Variants in EDEM3 observed in about 807,000 individuals in gnomAD.
The protein encoded by EDEM3 is ER degradation-enhancing alpha-mannosidase-like protein 3.
EDEM3 carries 60 observed loss-of-function variants against 110.2 expected under a neutral mutation model. The ratio of observed to expected loss-of-function variants is 0.54; its 90% CI spans 0.44 to 0.67. The LOEUF (loss-of-function observed/expected upper bound fraction) is 0.67, where lower values mean the gene tolerates loss of function less well. Among genes scored for constraint, EDEM3 ranks in the 30% least tolerant of loss-of-function variants. The pLI is 0.00. For synonymous variants in EDEM3, 352 were observed against 382.9 expected, an observed-to-expected ratio of 0.92 and a Z score of 0.94; for missense variants, 996 against 1,121.0, an observed-to-expected ratio of 0.89 and a Z score of 1.59.
At position 184,719,205 on chromosome 1, in the gene EDEM3, T is replaced by C. The variant is rs1339209096; in HGVS notation, c.1118A>G (p.Glu373Gly). Residue 373 changes from glutamate to glycine, a missense_variant, in exon 11 of 20, where the codon GAA becomes GGA. Glu to Gly is a moderately conservative substitution (Grantham distance 98). This residue lies in a region of EDEM3 where 310 missense variants were observed against 394.6 expected (regional missense o/e 0.79). Coordinates refer to ENST00000318130, the MANE Select transcript of EDEM3 (RefSeq NM_025191.4). ...GDIRPAIETH[E>G]MLYQVIKKHN... The stretch of plus-strand genomic sequence containing the variant: ...TTTTTTAATCACCTGATATAACATT[T>C]CATGAGTTTCAATAGCAGGTCTAAT... The C allele has an allele frequency of 1.3e-6, 2 of 1,574,954 alleles. No homozygotes were observed. Among genetic ancestry groups the C allele is most frequent in the Non-Finnish European group, 8.6e-7 (1 of 1,164,910 alleles).
At chr1:184,720,847 G>A (rs1409333207) in intron 9 of EDEM3, 1 of 159,846 alleles carries the variant, frequency 6.3e-6, no homozygotes, top group Non-Finnish European at 1.4e-5. Context: ...CCAGTCTTAA[G>A]ACTTGCTTTT....
Position 184,692,720 on chromosome 1 carries a change from C to G in EDEM3, c.*1343G>C, listed in dbSNP as rs1207413232. 7.3e-6 allele frequency: 1 copy of G among 136,064 alleles called. No homozygotes were observed. Among genetic ancestry groups the G allele is most frequent in the Non-Finnish European group, 1.6e-5 (1 of 63,768 alleles). 8.4% of individuals were successfully genotyped at this position (136,064 alleles called of 1,614,324 possible). A position where few individuals can be genotyped will look rare whatever the true frequency, so the allele number is the denominator to read the frequency against. On this transcript the variant is annotated 3_prime_UTR_variant, in exon 20 of 20. Transcript: ENST00000318130. Reference sequence around the variant, plus strand: ...CAACAGGGCTGTCTACAAACATCAACAACAAAATTTAAAAATTTTTAAGAC... The same window carrying G: ...CAACAGGGCTGTCTACAAACATCAAGAACAAAATTTAAAAATTTTTAAGAC...
chr1:184,695,341 T>C (rs1181523531), intron 19 of EDEM3, among the ~76,000 whole-genome samples: 1 of 152,008 alleles, frequency 6.6e-6, no homozygotes. Context: ...ATGGGTCTTA[T>C]AGTCCAACGG....
At chr1:184,734,121 C>T (rs888438135) in intron 5 of EDEM3, among the ~76,000 whole-genome samples, 1 of 152,194 alleles carries the variant, frequency 6.6e-6, no homozygotes, top group Admixed American at 6.5e-5. Context: ...ACACAGGAAA[C>T]TTCTTGCATG....
At chr1:184,722,645 TAG>T (rs896373285) in intron 8 of EDEM3, among the ~76,000 whole-genome samples, 1 of 151,988 alleles carries the variant, frequency 6.6e-6, no homozygotes, top group African/African-American at 2.4e-5. Flanking sequence ...TTCTGTCATT[TAG>T]ATGACACAGA....
chr1:184,718,855 T>C (rs944865828), intron 11 of EDEM3, among the ~76,000 whole-genome samples: 1 of 152,082 alleles, frequency 6.6e-6, no homozygotes, highest in Non-Finnish European at 1.5e-5. Context: ...AATGAGAGAA[T>C]ATTACAATGG....
At chr1:184,731,879 A>G (rs766232403) in intron 6 of EDEM3, among the ~76,000 whole-genome samples, 1 of 152,190 alleles carries the variant, frequency 6.6e-6, no homozygotes, top group Non-Finnish European at 1.5e-5. Context: ...ACTATGTTAA[A>G]TGAAATAAGC....
intron 6 of EDEM3, among the ~76,000 whole-genome samples, chr1:184,727,994 G>C (rs927850304): frequency 1.3e-5 from 2 of 152,022 alleles, no homozygotes; most frequent in Non-Finnish European, 2.9e-5. Context: ...ATTACACTAA[G>C]GTAAAGTATA....
In EDEM3 at chr1:184,710,575, T is replaced by A. The variant is rs867664324; in HGVS notation, c.1692-28A>T. On this transcript the variant is annotated intron_variant, in intron 15 of 19. Transcript: ENST00000318130. ...GCTAAAAGTAATTACAGGCAAGGCT[T>A]AAAAAACTATAAATTAGAATTGGCA... 1.3e-6 allele frequency: 2 copies of A among 1,555,904 alleles called. No individual in the cohort carries two copies. Among genetic ancestry groups the A allele is most frequent in the Middle Eastern group, 1.7e-4 (1 of 5,796 alleles).
intron 6 of EDEM3, among the ~76,000 whole-genome samples, chr1:184,728,827 C>T (rs893347094): frequency 1.4e-4 from 21 of 152,164 alleles, no homozygotes; most frequent in Admixed American, 1.2e-3. Context: ...TGAAGATGGT[C>T]TCGATCTCTT....
At chr1:184,728,073 CA>C (rs1357518449) in intron 6 of EDEM3, among the ~76,000 whole-genome samples, 2 of 152,154 alleles carry the variant, frequency 1.3e-5, no homozygotes, top group African/African-American at 4.8e-5. Flanking sequence ...TTAATTACTA[CA>C]ATCAACTAAT....
intron 8 of EDEM3, 68 bp downstream of exon 8, chr1:184,723,683 G>T: frequency 2.5e-6 from 3 of 1,180,734 alleles, no homozygotes; most frequent in Admixed American, 2.1e-5. Flanking sequence ...TTTAACAAAT[G>T]AAAATTCTTT....
intron 9 of EDEM3, 46 bp from the exon 10 acceptor site, chr1:184,719,614 G>C: frequency 1.2e-6 from 2 of 1,604,476 alleles, no homozygotes; most frequent in Non-Finnish European, 1.7e-6. Flanking sequence ...TGAAAAAAGA[G>C]GTACTACTCT....
At chr1:184,714,543 A>C (rs1650437396) in intron 13 of EDEM3, among the ~76,000 whole-genome samples, 2 of 152,166 alleles carry the variant, frequency 1.3e-5, no homozygotes, top group Non-Finnish European at 2.9e-5. Flanking sequence ...TTAGATCTAT[A>C]GGGTAATAAA....
In EDEM3 at chr1:184,693,891, T is replaced by A. The variant is rs1487913810; in HGVS notation, c.*172A>T. ...TGGGACAGTTTTAAACAAGGTCAAT[T>A]CTAACACAGCATGCTCCAGATTCCT... is the stretch of plus-strand genomic sequence containing the variant. On this transcript the variant is annotated 3_prime_UTR_variant, in exon 20 of 20. Transcript: ENST00000318130. 1.5e-6 allele frequency: 1 copy of A among 679,254 alleles called. No individual in the cohort carries two copies. Among genetic ancestry groups the A allele is most frequent in the Admixed American group, 3.0e-5 (1 of 33,500 alleles). The allele number at this position is 679,254 out of a possible 1,614,324, so 42.1% of individuals were successfully genotyped here.
chr1:184,718,111 A>T (rs1055205889), intron 11 of EDEM3, among the ~76,000 whole-genome samples: 72 of 152,188 alleles, frequency 4.7e-4, no homozygotes, highest in African/African-American at 1.7e-3. Context: ...GCATTATCTC[A>T]CATAGTTCTC....
At position 184,732,783 on chromosome 1, in the gene EDEM3, T is replaced by C. The variant is rs1651597810; in HGVS notation, c.612+54A>G. 14 of 1,541,594 alleles carry C rather than the reference T, an allele frequency of 9.1e-6. No individual in the cohort carries two copies. The East Asian group carries it at 1.4e-4, about 15-fold the overall frequency. ...ATGGCTCTGATCACAAAACTTCATT[T>C]TGTAAAACAGCAAAGAAAGTATATA... On this transcript the variant is annotated intron_variant, in intron 6 of 19. Coordinates refer to ENST00000318130, the MANE Select transcript of EDEM3 (RefSeq NM_025191.4).
chr1:184,713,773 G>A (rs752381649), intron 13 of EDEM3, among the ~76,000 whole-genome samples: 3 of 152,296 alleles, frequency 2.0e-5, no homozygotes, highest in South Asian at 2.1e-4. Flanking sequence ...TCACCATGGG[G>A]ATATTATATA....
At chr1:184,721,418 AT>A in intron 8 of EDEM3, 32 bp from the exon 9 acceptor site, 2 of 1,548,794 alleles carry the variant, frequency 1.3e-6, no homozygotes, top group South Asian at 2.4e-5. Flanking sequence ...TTTTCATTAA[AT>A]TTTTTTAAAA....
Sources: allele counts gnomAD v4.1 joint callset (sites outside exome capture counted in the v4.1 genomes callset), GRCh38; gene constraint gnomAD v4.1.1; regional missense constraint gnomAD v4.1.1; transcripts MANE v1.5; gene names NCBI Gene and HGNC (gene_info 2026-07-23, HGNC 2026-07-21).